ANP32A: variants seen among roughly 807,000 people sequenced by gnomAD.
ANP32A encodes the protein acidic nuclear phosphoprotein 32 family member A, also known as acidic leucine-rich nuclear phosphoprotein 32 family member A.
In ANP32A, 1 loss-of-function variant was observed where a neutral mutation model predicts 33.9. That is an observed-to-expected ratio of 0.03 (90% CI 0.01 to 0.14). ANP32A has a LOEUF of 0.14. Ranked by LOEUF, ANP32A falls within the 10% of genes least tolerant of loss-of-function variation. The probability of loss-of-function intolerance (pLI) is 1.00; values close to 1 mark genes in which losing one functional copy is unlikely to be tolerated. For synonymous variants in ANP32A, 115 were observed against 120.5 expected (o/e 0.95, Z 0.30); for missense variants, 155 against 306.0 (o/e 0.51, Z 3.68).
chr15:68,813,994 C>T (rs1424730076), intron 1 of ANP32A, among the ~76,000 whole-genome samples: 2 of 151,388 alleles, frequency 1.3e-5, no homozygotes, highest in East Asian at 3.9e-4. Context: ...CTCAGCCTCC[C>T]GAATAGCTGG....
chr15:68,812,005 A>C (rs1894318863), intron 1 of ANP32A, among the ~76,000 whole-genome samples: 1 of 150,398 alleles, frequency 6.6e-6, no homozygotes, highest in Non-Finnish European at 1.5e-5. Context: ...CTGGAAGTAC[A>C]GGCGTGAGCC....
chr15:68,818,034 T>TA (rs919432839), intron 1 of ANP32A, among the ~76,000 whole-genome samples: 2 of 151,520 alleles, frequency 1.3e-5, no homozygotes, highest in African/African-American at 2.4e-5. Flanking sequence ...GCCTAGCCGT[T>TA]AAAAAAAATA....
chr15:68,809,025 T>C (rs1894277331), intron 1 of ANP32A, among the ~76,000 whole-genome samples: 1 of 152,084 alleles, frequency 6.6e-6, no homozygotes, highest in East Asian at 1.9e-4. Context: ...CCACCCTGAG[T>C]CTATGGCTGA....
chr15:68,808,841 T>C (rs374919948), intron 1 of ANP32A, among the ~76,000 whole-genome samples: 3 of 152,326 alleles, frequency 2.0e-5, no homozygotes. Flanking sequence ...CACTGGGCAC[T>C]GCTGGCTGCA....
At chr15:68,792,640 G>T (rs150907607) in intron 1 of ANP32A, among the ~76,000 whole-genome samples, 2 of 152,052 alleles carry the variant, frequency 1.3e-5, no homozygotes, top group Non-Finnish European at 2.9e-5. Flanking sequence ...TGTTCCCAAC[G>T]TTGCAGCACT....
chr15:68,800,351 G>A (rs1455340056), intron 1 of ANP32A, among the ~76,000 whole-genome samples: 1 of 151,586 alleles, frequency 6.6e-6, no homozygotes, highest in Non-Finnish European at 1.5e-5. Context: ...CTAGGTGCCT[G>A]TCTCACAGAT....
chr15:68,788,540 G>C (rs1893962008), intron 1 of ANP32A, among the ~76,000 whole-genome samples: 1 of 152,226 alleles, frequency 6.6e-6, no homozygotes, highest in Admixed American at 6.5e-5. Context: ...GGACGGAAAC[G>C]GTCTGTACTG....
chr15:68,810,973 T>C (rs916646574), intron 1 of ANP32A, among the ~76,000 whole-genome samples: 4 of 148,544 alleles, frequency 2.7e-5, no homozygotes, highest in African/African-American at 1.0e-4. Flanking sequence ...GGCACGAGAA[T>C]CGCTTGAACC....
Position 68,785,986 on chromosome 15 carries a change from T to C in ANP32A, c.328-1391A>G, listed in dbSNP as rs573123249. On this transcript the variant is annotated intron_variant, in intron 3 of 6. Transcript: ENST00000465139. ...TTCTGTGGGAAGCACATTCTACTAGTTGGCCCCAATGCCATCGATGGACAG... is the reference window on the plus strand; with the variant it reads ...TTCTGTGGGAAGCACATTCTACTAGCTGGCCCCAATGCCATCGATGGACAG... 7.9e-5 allele frequency among the ~76,000 whole-genome samples: 12 copies of C among 152,320 alleles called. No individual in the cohort carries two copies. In the East Asian group the frequency reaches 1.3e-3, roughly 17 times the overall value.
At chr15:68,793,271 GA>G (rs1361226849) in intron 1 of ANP32A, among the ~76,000 whole-genome samples, 1 of 152,176 alleles carries the variant, frequency 6.6e-6, no homozygotes, top group African/African-American at 2.4e-5. Flanking sequence ...AAACTGTCAT[GA>G]AACGTATTCA....
At chr15:68,811,062 G>GAA (rs1894305009) in intron 1 of ANP32A, among the ~76,000 whole-genome samples, 13 of 48,426 alleles carry the variant, frequency 2.7e-4, no homozygotes, top group African/African-American at 5.5e-4. Context: ...ACTCTGTCTG[G>GAA]GAAAAAAAAA....
intron 1 of ANP32A, among the ~76,000 whole-genome samples, chr15:68,804,732 C>T (rs1307607773): frequency 2.0e-5 from 3 of 152,134 alleles, no homozygotes; most frequent in Non-Finnish European, 4.4e-5. Context: ...CCAGGATGGT[C>T]TCGATCTCCT....
intron 1 of ANP32A, among the ~76,000 whole-genome samples, chr15:68,806,363 C>T (rs936375754): frequency 2.6e-5 from 4 of 152,134 alleles, no homozygotes; most frequent in Non-Finnish European, 4.4e-5. Context: ...GAACACCGGC[C>T]GCTGAAACTG....
chr15:68,815,703 C>G (rs11638356), intron 1 of ANP32A, among the ~76,000 whole-genome samples: 29 of 152,188 alleles, frequency 1.9e-4, no homozygotes, highest in Non-Finnish European at 4.0e-4. Context: ...ATCCAATCCT[C>G]GGAATCTCTG....
At chr15:68,815,353 T>C (rs1894366241) in intron 1 of ANP32A, among the ~76,000 whole-genome samples, 3 of 152,106 alleles carry the variant, frequency 2.0e-5, no homozygotes, top group African/African-American at 7.2e-5. Context: ...AAGAGAAAAA[T>C]CTAACACATT....
intron 1 of ANP32A, chr15:68,817,782 C>T (rs1366382227): frequency 6.6e-6 from 1 of 152,276 alleles, no homozygotes; most frequent in African/African-American, 2.4e-5. Flanking sequence ...GCGGAAACCC[C>T]CATCGGGGCT....
chr15:68,791,742 T>C (rs1466113993), intron 1 of ANP32A: 1 of 152,658 alleles, frequency 6.6e-6, no homozygotes, highest in Non-Finnish European at 1.5e-5. Flanking sequence ...CAGGGTGAGA[T>C]CACAGAGGGG....
chr15:68,819,274 G>A (rs544820217), intron 1 of ANP32A, among the ~76,000 whole-genome samples: 1 of 149,230 alleles, frequency 6.7e-6, no homozygotes, highest in African/African-American at 2.6e-5. Context: ...GGGCCAAGAG[G>A]GGAGCTGGCC....
chr15:68,795,551 C>T (rs887120312), intron 1 of ANP32A, among the ~76,000 whole-genome samples: 2 of 152,206 alleles, frequency 1.3e-5, no homozygotes, highest in Non-Finnish European at 2.9e-5. Context: ...CGCCTGGAAC[C>T]GGCTTCCTCT....
Sources: allele counts gnomAD v4.1 joint callset (sites outside exome capture counted in the v4.1 genomes callset), GRCh38; gene constraint gnomAD v4.1.1; transcripts MANE v1.5; gene names NCBI Gene and HGNC (gene_info 2026-07-23, HGNC 2026-07-21).